The following ATRNL1 variants were observed in gnomAD, a reference collection of about 807,000 sequenced individuals.
ATRNL1 encodes the protein attractin-like protein 1.
A neutral mutation model predicts 182.7 loss-of-function variants in ATRNL1; 95 were observed. That is an observed-to-expected ratio of 0.52 (90% CI 0.44 to 0.62). The LOEUF (loss-of-function observed/expected upper bound fraction) is 0.62, where lower values mean the gene tolerates loss of function less well. Ranked by LOEUF, ATRNL1 falls within the 20% of genes least tolerant of loss-of-function variation. The probability of loss-of-function intolerance (pLI) is 0.00; values close to 1 mark genes in which losing one functional copy is unlikely to be tolerated. For missense variants in ATRNL1, 1,471 were observed against 1,679.5 expected, an observed-to-expected ratio of 0.88 and a Z score of 2.17; for synonymous variants, 576 against 568.3, an observed-to-expected ratio of 1.01 and a Z score of -0.19.
chr10:115,754,461 T>G (rs1192302553), intron 27 of ATRNL1, among the ~76,000 whole-genome samples: 1 of 152,186 alleles, frequency 6.6e-6, no homozygotes, highest in Non-Finnish European at 1.5e-5. Context: ...TTTGTCAGAT[T>G]TGTCAGTGAT....
At chr10:115,234,460 T>C (rs533079966) in intron 9 of ATRNL1, among the ~76,000 whole-genome samples, 5 of 152,170 alleles carry the variant, frequency 3.3e-5, no homozygotes, top group East Asian at 1.9e-4. Flanking sequence ...AGATACTCTC[T>C]TACATAAGGA....
chr10:115,591,333 A>T (rs1194949090), intron 26 of ATRNL1, among the ~76,000 whole-genome samples: 1 of 152,134 alleles, frequency 6.6e-6, no homozygotes, highest in Non-Finnish European at 1.5e-5. Context: ...TTACTCCAAA[A>T]TTATGAATCT....
At chr10:115,383,493 G>A (rs1858150585) in intron 19 of ATRNL1, among the ~76,000 whole-genome samples, 1 of 151,640 alleles carries the variant, frequency 6.6e-6, no homozygotes, top group Admixed American at 6.6e-5. Context: ...AAGACTTGCA[G>A]ACATTTTCCC....
At chr10:115,899,997 A>C (rs1952310839) in intron 28 of ATRNL1, among the ~76,000 whole-genome samples, 1 of 152,232 alleles carries the variant, frequency 6.6e-6, no homozygotes, top group Admixed American at 6.5e-5. Flanking sequence ...AGATTTGCTT[A>C]TCAGGATTTC....
intron 1 of ATRNL1, among the ~76,000 whole-genome samples, chr10:115,113,798 G>A (rs1844361086): frequency 6.6e-6 from 1 of 152,054 alleles, no homozygotes; most frequent in African/African-American, 2.4e-5. Flanking sequence ...ATCTTAAAAT[G>A]TTTTCTAAGG....
intron 9 of ATRNL1, among the ~76,000 whole-genome samples, chr10:115,226,316 G>C (rs992433217): frequency 1.3e-5 from 2 of 152,014 alleles, no homozygotes; most frequent in African/African-American, 4.8e-5. Context: ...GAAGATAACA[G>C]AGGCAAATAT....
chr10:115,674,177 C>A (rs895940256), intron 26 of ATRNL1, among the ~76,000 whole-genome samples: 2 of 151,902 alleles, frequency 1.3e-5, no homozygotes, highest in East Asian at 1.9e-4. Context: ...TTTTTTTAGG[C>A]CCCTTGCAGT....
chr10:115,708,297 C>G (rs1254389897), intron 26 of ATRNL1, among the ~76,000 whole-genome samples: 1 of 151,470 alleles, frequency 6.6e-6, no homozygotes, highest in African/African-American at 2.4e-5. Context: ...ACACTATTAA[C>G]TAGAATTTTT....
rs578108143 is a variant in ATRNL1, at chr10:115,836,564, C to T, written c.3904-11313C>T. On this transcript the variant is annotated intron_variant, in intron 27 of 28. Transcript: ENST00000355044. ...GGCGTTGCCTGCAAACCTTGGTGCTCCTTGGCTTGTAGATGCATCACTGCA... is the reference window on the plus strand; with the variant it reads ...GGCGTTGCCTGCAAACCTTGGTGCTTCTTGGCTTGTAGATGCATCACTGCA... Among the ~76,000 whole-genome samples, 6 of 152,308 alleles carry T rather than the reference C, an allele frequency of 3.9e-5. 1 individual carries two copies. In the South Asian group the frequency reaches 8.3e-4, roughly 21 times the overall value.
At chr10:115,746,881 G>A (rs1948307634) in intron 27 of ATRNL1, among the ~76,000 whole-genome samples, 1 of 152,040 alleles carries the variant, frequency 6.6e-6, no homozygotes, top group African/African-American at 2.4e-5. Context: ...AATTGAGAAA[G>A]TAACCTTGAC....
intron 19 of ATRNL1, among the ~76,000 whole-genome samples, chr10:115,382,315 C>A (rs1554951409): frequency 1.3e-5 from 2 of 151,996 alleles, no homozygotes; most frequent in Admixed American, 1.3e-4. Context: ...TTCTTCTTAT[C>A]CATGAACATG....
chr10:115,854,427 G>A (rs1951131063), intron 28 of ATRNL1, among the ~76,000 whole-genome samples: 1 of 152,112 alleles, frequency 6.6e-6, no homozygotes, highest in South Asian at 2.1e-4. Flanking sequence ...TCCTTTCTGT[G>A]CATCCTCAGC....
intron 5 of ATRNL1, among the ~76,000 whole-genome samples, chr10:115,134,979 T>A (rs1845434916): frequency 6.6e-6 from 1 of 152,022 alleles, no homozygotes; most frequent in African/African-American, 2.4e-5. Flanking sequence ...TTGACAAAAT[T>A]CAACAGCCCT....
At chr10:115,219,264 G>C (rs1353635286) in intron 9 of ATRNL1, among the ~76,000 whole-genome samples, 1 of 151,516 alleles carries the variant, frequency 6.6e-6, no homozygotes, top group South Asian at 2.1e-4. Context: ...AAGGGATGAC[G>C]TGTGTGCTTT....
chr10:115,445,478 A>ATCCTAC (rs1238002791), intron 21 of ATRNL1, among the ~76,000 whole-genome samples: 1 of 141,712 alleles, frequency 7.1e-6, no homozygotes, highest in Non-Finnish European at 1.5e-5. Flanking sequence ...ATGTTGCCTA[A>ATCCTAC]TCCTACTCTG....
At chr10:115,349,502 G>T (rs1856132015) in intron 19 of ATRNL1, among the ~76,000 whole-genome samples, 1 of 152,112 alleles carries the variant, frequency 6.6e-6, no homozygotes, top group African/African-American at 2.4e-5. Flanking sequence ...ATCATACGTA[G>T]TTCTGTTTGT....
At chr10:115,558,578 T>C (rs1853466570) in intron 26 of ATRNL1, among the ~76,000 whole-genome samples, 1 of 152,130 alleles carries the variant, frequency 6.6e-6, no homozygotes, top group Non-Finnish European at 1.5e-5. Flanking sequence ...GGTTCTTTTT[T>C]TCTTTTTGGT....
chr10:115,168,127 A>T (rs1463117660), intron 7 of ATRNL1, among the ~76,000 whole-genome samples: 2 of 152,108 alleles, frequency 1.3e-5, no homozygotes, highest in African/African-American at 4.8e-5. Context: ...CATAATTTCA[A>T]GGTTTATCCA....
At chr10:115,672,576 A>G (rs74158236) in intron 26 of ATRNL1, among the ~76,000 whole-genome samples, 9,167 of 152,164 alleles carry the variant, frequency 0.06, 885 homozygotes, top group African/African-American at 0.2. Context: ...AGTTAGGCAA[A>G]CGTAAGCTGA....
Sources: gnomAD v4.1 joint callset for allele counts (sites outside exome capture counted in the v4.1 genomes callset) on GRCh38, gnomAD v4.1.1 for gene constraint, MANE v1.5 for transcripts, NCBI Gene and HGNC (gene_info 2026-07-23, HGNC 2026-07-21) for gene names.